Variants in STRADB observed in about 807,000 individuals in gnomAD.
STRADB encodes STE20-related kinase adapter protein beta.
STRADB carries 34 observed loss-of-function variants against 52.1 expected under a neutral mutation model. That is an observed-to-expected ratio of 0.65 (90% CI 0.50 to 0.87). The LOEUF (loss-of-function observed/expected upper bound fraction) is 0.87, where lower values mean the gene tolerates loss of function less well. Among genes scored for constraint, STRADB ranks in the 40% least tolerant of loss-of-function variants. The pLI, the probability that STRADB is intolerant of heterozygous loss-of-function variation, is 0.00. For missense variants in STRADB, 340 were observed against 483.9 expected, an observed-to-expected ratio of 0.70 and a Z score of 2.79; for synonymous variants, 133 against 174.5, an observed-to-expected ratio of 0.76 and a Z score of 1.87.
At chr2:201,468,287 A>G (rs1233929953) in intron 3 of STRADB, among the ~76,000 whole-genome samples, 2 of 151,936 alleles carry the variant, frequency 1.3e-5, no homozygotes, top group Non-Finnish European at 2.9e-5. Flanking sequence ...TTAGTTTGGG[A>G]TGATTTACTC....
chr2:201,476,745 C>T (rs1261137263), intron 7 of STRADB, among the ~76,000 whole-genome samples: 4 of 150,436 alleles, frequency 2.7e-5, no homozygotes, highest in East Asian at 3.9e-4. Flanking sequence ...GAGGCCGAGG[C>T]GTGCAGATCA....
At chr2:201,477,993 T>C (rs1952506794) in intron 8 of STRADB, 94 bp from the exon 9 acceptor site, 1 of 1,250,420 alleles carries the variant, frequency 8.0e-7, no homozygotes, top group Non-Finnish European at 1.1e-6. Flanking sequence ...TCTTTTCCAT[T>C]ATTGTTCACC....
At chr2:201,466,164 C>A (rs923988025) in intron 3 of STRADB, among the ~76,000 whole-genome samples, 1 of 152,138 alleles carries the variant, frequency 6.6e-6, no homozygotes, top group Non-Finnish European at 1.5e-5. Flanking sequence ...ACCTCCCTCC[C>A]AGTCTGAGTT....
In STRADB at chr2:201,460,345, TTATC is replaced by T. The variant is rs1165754045; in HGVS notation, c.93+1486_93+1489del. ...AATAATTACTAAATGGGTAAATGGT[TTATC>T]TATCACTTTAAGCATAAATCATTTC... On this transcript the variant is annotated intron_variant, in intron 3 of 11. Coordinates refer to ENST00000194530, the MANE Select transcript of STRADB (RefSeq NM_018571.6). Among the ~76,000 whole-genome samples the T allele has an allele frequency of 5.1e-4, 77 of 152,314 alleles. 1 individual carries two copies. Among genetic ancestry groups the T allele is most frequent in the Admixed American group, 4.1e-3 (62 of 15,302 alleles).
intron 3 of STRADB, among the ~76,000 whole-genome samples, chr2:201,463,716 A>T (rs1466789921): frequency 6.6e-6 from 1 of 152,132 alleles, no homozygotes; most frequent in Non-Finnish European, 1.5e-5. Flanking sequence ...TTCAATGCCG[A>T]TAAATCTTAG....
intron 7 of STRADB, 89 bp from the exon 8 acceptor site, chr2:201,477,530 G>T: frequency 7.6e-7 from 1 of 1,322,840 alleles, no homozygotes; most frequent in African/African-American, 1.5e-5. Context: ...TAATTTCCAA[G>T]AGAATATATG....
chr2:201,478,714 G>A, intron 10 of STRADB, 113 bp downstream of exon 10: 3 of 1,218,336 alleles, frequency 2.5e-6, no homozygotes, highest in African/African-American at 3.1e-5. Flanking sequence ...AATATTGTCT[G>A]CTCTAGAAAA....
chr2:201,478,592 C>G lies in STRADB; in HGVS notation c.1061C>G (p.Pro354Arg). 6.2e-7 allele frequency: 1 copy of G among 1,613,802 alleles called. No individual in the cohort carries two copies. The highest frequency in any genetic ancestry group is 8.5e-7 in the Non-Finnish European group (1 of 1,179,938). Residue 354 changes from proline to arginine, a missense_variant, in exon 10 of 12, where the codon CCT becomes CGT. By Grantham distance (103) the Pro-to-Arg change is moderately radical (BLOSUM62 -2). Coordinates refer to ENST00000194530, the MANE Select transcript of STRADB (RefSeq NM_018571.6). ...SLVQLCLQQD[P>R]EKRPSASSLL... ...GTACAGCTCTGTTTGCAACAAGATC[C>G]TGAGAAAAGGTAATATTGATCTCTT...
intron 2 of STRADB, among the ~76,000 whole-genome samples, 197 bp downstream of exon 2, chr2:201,455,049 A>G (rs1028661254): frequency 2.0e-5 from 3 of 152,216 alleles, no homozygotes; most frequent in African/African-American, 7.2e-5. Context: ...AACTTCTCGT[A>G]TACTTCAATA....
chr2:201,457,569 G>T (rs1454015795), intron 2 of STRADB: 3 of 152,174 alleles, frequency 2.0e-5, no homozygotes, highest in African/African-American at 7.2e-5. Context: ...CTGGGACAAT[G>T]ACTAGTTTGA....
chr2:201,478,604 A>T lies in STRADB; in HGVS notation c.1070+3A>T. ...TTGCAACAAGATCCTGAGAAAAGGT[A>T]ATATTGATCTCTTTTAAATAGCACA... is the stretch of plus-strand genomic sequence containing the variant. On this transcript the variant is annotated splice_donor_region_variant and intron_variant, in intron 10 of 11. Coordinates refer to ENST00000194530, the MANE Select transcript of STRADB (RefSeq NM_018571.6). 6.2e-7 allele frequency: 1 copy of T among 1,613,760 alleles called. No individual in the cohort carries two copies. The highest frequency in any genetic ancestry group is 8.5e-7 in the Non-Finnish European group (1 of 1,179,918).
intron 3 of STRADB, among the ~76,000 whole-genome samples, chr2:201,462,735 G>T (rs1952235024): frequency 6.6e-6 from 1 of 151,988 alleles, no homozygotes; most frequent in South Asian, 2.1e-4. Flanking sequence ...ATATCTTCTT[G>T]TACTATTTTG....
intron 2 of STRADB, among the ~76,000 whole-genome samples, chr2:201,457,678 C>A (rs1243865697): frequency 6.6e-6 from 1 of 152,190 alleles, no homozygotes; most frequent in Non-Finnish European, 1.5e-5. Context: ...TTAAGAGACT[C>A]ATTTGATATT....
At chr2:201,477,975 T>G (rs1952506381) in intron 8 of STRADB, 112 bp from the exon 9 acceptor site, 1 of 1,175,146 alleles carries the variant, frequency 8.5e-7, no homozygotes, top group East Asian at 2.4e-5. Context: ...ATTTGTCGCT[T>G]ATGGGTTTCT....
intron 3 of STRADB, among the ~76,000 whole-genome samples, chr2:201,462,727 A>G (rs1415233099): frequency 6.6e-6 from 1 of 152,144 alleles, no homozygotes; most frequent in African/African-American, 2.4e-5. Flanking sequence ...TTCTATTTAT[A>G]TCTTCTTGTA....
rs573454146 is a variant in STRADB at position 201,458,995 on chromosome 2, T to A, written c.93+131T>A. The stretch of plus-strand genomic sequence containing the variant: ...TGGGCAACATAGTGAGATCTCATCT[T>A]TAAAAAAAATGGTTGAGTACAATGA... On this transcript the variant is annotated intron_variant, in intron 3 of 11. Coordinates refer to ENST00000194530, the MANE Select transcript of STRADB (RefSeq NM_018571.6). 13 of 675,036 alleles carry A rather than the reference T, an allele frequency of 1.9e-5. No individual in the cohort carries two copies. In the African/African-American group the frequency reaches 2.2e-4, roughly 11 times the overall value. 41.8% of individuals were successfully genotyped at this position (675,036 alleles called of 1,614,324 possible). A position where few individuals can be genotyped will look rare whatever the true frequency, so the allele number is the denominator to read the frequency against.
chr2:201,457,981 A>C (rs1174201427), intron 2 of STRADB, among the ~76,000 whole-genome samples: 1 of 152,150 alleles, frequency 6.6e-6, no homozygotes, highest in African/African-American at 2.4e-5. Flanking sequence ...CCAAGATTGC[A>C]CCACTGCACT....
At chr2:201,474,528 C>T in intron 5 of STRADB, 119 bp from the exon 6 acceptor site, 1 of 718,266 alleles carries the variant, frequency 1.4e-6, no homozygotes, top group South Asian at 1.8e-5. Flanking sequence ...GATAAAAGCA[C>T]TAAGAACAGT....
chr2:201,470,113 G>T, intron 4 of STRADB, 61 bp downstream of exon 4: 2 of 1,316,296 alleles, frequency 1.5e-6, no homozygotes, highest in African/African-American at 1.5e-5. Context: ...ATGACAAAAA[G>T]ATTATTTTGT....
Sources: allele counts gnomAD v4.1 joint callset (sites outside exome capture counted in the v4.1 genomes callset), GRCh38; gene constraint gnomAD v4.1.1; transcripts MANE v1.5; gene names NCBI Gene and HGNC (gene_info 2026-07-23, HGNC 2026-07-21).